The following CSMD1 variants were observed in gnomAD, a reference collection of about 807,000 sequenced individuals.
CSMD1 encodes the protein CUB and sushi domain-containing protein 1.
CSMD1 carries 213 observed loss-of-function variants against 417.5 expected under a neutral mutation model. That is an observed-to-expected ratio of 0.51 (90% CI 0.46 to 0.57). CSMD1 has a LOEUF of 0.57. Ranked by LOEUF, CSMD1 falls within the 20% of genes least tolerant of loss-of-function variation. CSMD1 has a pLI of 0.00. For synonymous variants in CSMD1, 2,862 were observed against 1,736.8 expected, an observed-to-expected ratio of 1.65 and a Z score of -16.11; for missense variants, 6,923 against 4,529.7, an observed-to-expected ratio of 1.53 and a Z score of -15.17.
At chr8:4,651,310 A>G (rs1803879094) in intron 1 of CSMD1, among the ~76,000 whole-genome samples, 1 of 146,532 alleles carries the variant, frequency 6.8e-6, no homozygotes, top group African/African-American at 2.8e-5. Flanking sequence ...GTATTTCCAG[A>G]AAAAAAAGTG....
At chr8:4,571,376 T>C (rs1398026043) in intron 2 of CSMD1, among the ~76,000 whole-genome samples, 7 of 152,206 alleles carry the variant, frequency 4.6e-5, no homozygotes, top group Non-Finnish European at 1.0e-4. Context: ...AACTTATTTA[T>C]TTCTGCCTTA....
intron 2 of CSMD1, among the ~76,000 whole-genome samples, chr8:4,523,670 C>A (rs560492495): frequency 7.2e-5 from 11 of 152,246 alleles, no homozygotes; most frequent in African/African-American, 2.4e-4. Context: ...TAATCCAGGT[C>A]TACTAAAGGT....
intron 18 of CSMD1, among the ~76,000 whole-genome samples, chr8:3,369,701 A>C (rs1286240852): frequency 1.3e-5 from 2 of 152,222 alleles, no homozygotes; most frequent in African/African-American, 4.8e-5. Context: ...GCAGCACTTC[A>C]TTGAGTTCAA....
chr8:3,318,652 T>C (rs1189616184), intron 23 of CSMD1, among the ~76,000 whole-genome samples: 1 of 152,162 alleles, frequency 6.6e-6, no homozygotes, highest in African/African-American at 2.4e-5. Context: ...CAGAGTTTAA[T>C]TGGAGGTATT....
At chr8:3,877,357 T>C (rs1261343180) in intron 5 of CSMD1, among the ~76,000 whole-genome samples, 1 of 152,168 alleles carries the variant, frequency 6.6e-6, no homozygotes, top group African/African-American at 2.4e-5. Flanking sequence ...CATGTGCTCT[T>C]CCATGGCTAC....
chr8:4,616,933 A>T (rs1585337143), intron 2 of CSMD1, among the ~76,000 whole-genome samples: 1 of 149,778 alleles, frequency 6.7e-6, no homozygotes, highest in South Asian at 2.1e-4. Context: ...ACTAATTCTG[A>T]TTGTATTGTC....
rs551668384 is a variant in CSMD1 at position 4,565,650 on chromosome 8, G to A, written c.302+71692C>T. Among the ~76,000 whole-genome samples, 307 of 151,174 alleles carry A rather than the reference G, an allele frequency of 2.0e-3. 1 individual carries two copies. The highest frequency in any genetic ancestry group is 6.8e-3 in the African/African-American group (281 of 41,114). On this transcript the variant is annotated intron_variant, in intron 2 of 69. Coordinates refer to ENST00000635120, the MANE Select transcript of CSMD1 (RefSeq NM_033225.6). ...CTCAGGAGGCTGAAGCAGGAGAACCGTTTGAACCAAGGAGGCAGAGGTTGC... is the reference window on the plus strand; with the variant it reads ...CTCAGGAGGCTGAAGCAGGAGAACCATTTGAACCAAGGAGGCAGAGGTTGC...
At chr8:4,050,396 A>G (rs572446773) in intron 3 of CSMD1, among the ~76,000 whole-genome samples, 5 of 152,212 alleles carry the variant, frequency 3.3e-5, no homozygotes, top group East Asian at 1.9e-4. Context: ...TTAATTTTTA[A>G]TTTTTAAAAT....
chr8:4,117,502 T>C (rs1017574837), intron 3 of CSMD1, among the ~76,000 whole-genome samples: 1 of 152,146 alleles, frequency 6.6e-6, no homozygotes, highest in African/African-American at 2.4e-5. Flanking sequence ...ATAAATCATC[T>C]CCCTCCGACC....
intron 2 of CSMD1, among the ~76,000 whole-genome samples, chr8:4,637,126 C>T (rs537075508): frequency 1.3e-5 from 2 of 152,148 alleles, no homozygotes; most frequent in Admixed American, 1.3e-4. Context: ...TAGCAATAAA[C>T]CTTGCTACCA....
intron 3 of CSMD1, among the ~76,000 whole-genome samples, chr8:4,066,036 C>A (rs1324503627): frequency 6.6e-6 from 1 of 152,158 alleles, no homozygotes; most frequent in Non-Finnish European, 1.5e-5. Context: ...TCAGAAGGAG[C>A]CCTAAGAAAG....
At chr8:4,525,784 C>T (rs937492143) in intron 2 of CSMD1, among the ~76,000 whole-genome samples, 2 of 152,312 alleles carry the variant, frequency 1.3e-5, no homozygotes, top group Non-Finnish European at 1.5e-5. Context: ...CAGCATTCCA[C>T]ACAGGGACAT....
At chr8:3,549,186 C>A (rs1798804840) in intron 10 of CSMD1, among the ~76,000 whole-genome samples, 1 of 152,212 alleles carries the variant, frequency 6.6e-6, no homozygotes, top group Non-Finnish European at 1.5e-5. Flanking sequence ...CACATCCAGT[C>A]TGTGCCTGTT....
intron 5 of CSMD1, among the ~76,000 whole-genome samples, chr8:3,878,349 ATCT>A (rs1805971528): frequency 1.3e-5 from 2 of 152,140 alleles, no homozygotes; most frequent in African/African-American, 4.8e-5. Flanking sequence ...TTACACGTGT[ATCT>A]TCTTTATTTG....
At chr8:3,720,012 G>T (rs1426676253) in intron 6 of CSMD1, among the ~76,000 whole-genome samples, 1 of 152,138 alleles carries the variant, frequency 6.6e-6, no homozygotes, top group Non-Finnish European at 1.5e-5. Context: ...GCAAATAGAA[G>T]CACCTAGTGC....
At chr8:4,681,360 G>C (rs547488169) in intron 1 of CSMD1, among the ~76,000 whole-genome samples, 4 of 152,262 alleles carry the variant, frequency 2.6e-5, no homozygotes, top group African/African-American at 4.8e-5. Flanking sequence ...AATATGGTTT[G>C]CTAATTTCAG....
intron 6 of CSMD1, among the ~76,000 whole-genome samples, chr8:3,710,987 T>C (rs1801476454): frequency 6.6e-6 from 1 of 152,166 alleles, no homozygotes; most frequent in African/African-American, 2.4e-5. Flanking sequence ...TTCTGTATCA[T>C]GCCTTGACCT....
chr8:4,102,915 G>A (rs776037209), intron 3 of CSMD1, among the ~76,000 whole-genome samples: 1 of 152,096 alleles, frequency 6.6e-6, no homozygotes, highest in Non-Finnish European at 1.5e-5. Context: ...CTGAGTGCTG[G>A]AGTCACACAT....
intron 1 of CSMD1, among the ~76,000 whole-genome samples, chr8:4,955,190 T>C (rs888094647): frequency 2.0e-5 from 3 of 152,180 alleles, no homozygotes; most frequent in Non-Finnish European, 2.9e-5. Flanking sequence ...GCTGTTCCCG[T>C]TGGCTTCTAC....
Sources: allele counts gnomAD v4.1 joint callset (sites outside exome capture counted in the v4.1 genomes callset), GRCh38; gene constraint gnomAD v4.1.1; transcripts MANE v1.5; gene names NCBI Gene and HGNC (gene_info 2026-07-23, HGNC 2026-07-21).